Variants in DLGAP1 observed in about 807,000 individuals in gnomAD.
DLGAP1 encodes the protein DLG associated protein 1, also known as disks large-associated protein 1.
Under a neutral mutation model 90.8 loss-of-function variants are expected in DLGAP1, and 11 were observed. That is an observed-to-expected ratio of 0.12 (90% CI 0.08 to 0.20). The LOEUF (loss-of-function observed/expected upper bound fraction) is 0.20, where lower values mean the gene tolerates loss of function less well. Among genes scored for constraint, DLGAP1 ranks in the 10% least tolerant of loss-of-function variants. The pLI is 1.00. For synonymous variants in DLGAP1, 558 were observed against 540.7 expected (o/e 1.03, Z -0.44); for missense variants, 1,050 against 1,333.8 (o/e 0.79, Z 3.31).
intron 2 of DLGAP1, among the ~76,000 whole-genome samples, chr18:4,038,128 T>C (rs1351157046): frequency 6.6e-6 from 1 of 152,180 alleles, no homozygotes; most frequent in Non-Finnish European, 1.5e-5. Flanking sequence ...TAAAGAGTGA[T>C]TTCTTAATCC....
intron 8 of DLGAP1, among the ~76,000 whole-genome samples, chr18:3,568,996 T>TTTTAC (rs1156705379): frequency 6.8e-6 from 1 of 146,314 alleles, no homozygotes; most frequent in Non-Finnish European, 1.5e-5. Context: ...TAAATGATTA[T>TTTTAC]TTTATTTTAT....
chr18:4,188,375 C>T (rs1467259388), intron 1 of DLGAP1, among the ~76,000 whole-genome samples: 9 of 152,006 alleles, frequency 5.9e-5, no homozygotes, highest in African/African-American at 1.9e-4. Context: ...TATAGGTATA[C>T]GTTGTGCCAT....
Position 4,454,615 on chromosome 18 carries a change from G to A in DLGAP1, c.-267+391C>T, listed in dbSNP as rs573069897. The stretch of plus-strand genomic sequence containing the variant: ...CCTCCTCCCCTGCAAGGTGCATCGG[G>A]GGTGGGGTGGGGGTGCGAATTTGAC... On this transcript the variant is annotated intron_variant, in intron 1 of 12. Transcript: ENST00000315677. This position sits in a 1 kb window ranked among gnomAD's most constrained non-coding sequence, Gnocchi z 4.7. Among the ~76,000 whole-genome samples, 146 of 152,220 alleles carry A rather than the reference G, an allele frequency of 9.6e-4. No homozygotes were observed. Among genetic ancestry groups the A allele is most frequent in the African/African-American group, 3.2e-3 (135 of 41,560 alleles).
At chr18:4,152,175 T>A (rs755857526) in intron 1 of DLGAP1, among the ~76,000 whole-genome samples, 6 of 152,164 alleles carry the variant, frequency 3.9e-5, no homozygotes, top group Non-Finnish European at 5.9e-5. Flanking sequence ...AAAGTGTAAA[T>A]ACCTGTAAAG....
intron 7 of DLGAP1, among the ~76,000 whole-genome samples, chr18:3,698,379 G>A (rs189290712): frequency 6.6e-6 from 1 of 152,128 alleles, no homozygotes; most frequent in African/African-American, 2.4e-5. Context: ...AGGCAGGCCT[G>A]GTGGTGACAA....
chr18:4,057,387 C>G (rs752424717), intron 2 of DLGAP1, among the ~76,000 whole-genome samples: 2 of 152,198 alleles, frequency 1.3e-5, no homozygotes, highest in Non-Finnish European at 2.9e-5. Flanking sequence ...CTCAAGTGAG[C>G]ATGTGTACAA....
chr18:4,109,549 T>G (rs1598415946), intron 2 of DLGAP1, among the ~76,000 whole-genome samples: 1 of 152,092 alleles, frequency 6.6e-6, no homozygotes, highest in Non-Finnish European at 1.5e-5. Flanking sequence ...ACCTGTATTT[T>G]TTTTCAGCTC....
At chr18:4,110,149 G>C (rs2075947709) in intron 2 of DLGAP1, among the ~76,000 whole-genome samples, 1 of 152,232 alleles carries the variant, frequency 6.6e-6, no homozygotes, top group African/African-American at 2.4e-5. Flanking sequence ...GGATGACCTA[G>C]CCTACTAAAC....
intron 3 of DLGAP1, among the ~76,000 whole-genome samples, chr18:3,899,606 G>C (rs1317017106): frequency 6.6e-6 from 1 of 152,166 alleles, no homozygotes; most frequent in Non-Finnish European, 1.5e-5. Flanking sequence ...ATCCAGGTTT[G>C]GTCCAATTTC....
chr18:4,427,454 C>G (rs2083181731), intron 1 of DLGAP1, among the ~76,000 whole-genome samples: 1 of 152,224 alleles, frequency 6.6e-6, no homozygotes, highest in Admixed American at 6.5e-5. Flanking sequence ...TCTCAGTTCT[C>G]TACCGGGCCT....
At chr18:3,520,764 C>A (rs887654241) in intron 10 of DLGAP1, among the ~76,000 whole-genome samples, 10 of 152,208 alleles carry the variant, frequency 6.6e-5, no homozygotes, top group Non-Finnish European at 1.2e-4. Flanking sequence ...GCAGCCTTAG[C>A]AAATTATTAC....
At chr18:4,276,388 C>A (rs2079415002) in intron 1 of DLGAP1, among the ~76,000 whole-genome samples, 1 of 152,026 alleles carries the variant, frequency 6.6e-6, no homozygotes, top group African/African-American at 2.4e-5. Flanking sequence ...GTAACCCCAG[C>A]ACTTTGGGAG....
chr18:3,925,760 G>A (rs2072368692), intron 3 of DLGAP1, among the ~76,000 whole-genome samples: 1 of 152,040 alleles, frequency 6.6e-6, no homozygotes, highest in Admixed American at 6.6e-5. Flanking sequence ...CTACATTCAG[G>A]AAAGAACTCA....
rs2059657822 is a variant in DLGAP1 at position 3,660,863 on chromosome 18, C to T, written c.1591+68272G>A. Among the ~76,000 whole-genome samples the T allele has an allele frequency of 6.6e-6, 1 of 152,172 alleles. No homozygotes were observed. The highest frequency in any genetic ancestry group is 2.1e-4 in the South Asian group (1 of 4,824). ...CTTTATATTCAAATACCTCAATAAT[C>T]TGCAGTTCTCTTGTCTCAACTGTCA... On this transcript the variant is annotated intron_variant, in intron 7 of 12. Coordinates refer to ENST00000315677, the MANE Select transcript of DLGAP1 (RefSeq NM_004746.4). The surrounding 1 kb of genome is among the most constrained non-coding windows in gnomAD (Gnocchi z 4.2).
At chr18:4,394,023 T>C (rs2082391155) in intron 1 of DLGAP1, among the ~76,000 whole-genome samples, 1 of 152,208 alleles carries the variant, frequency 6.6e-6, no homozygotes, top group Non-Finnish European at 1.5e-5. Flanking sequence ...GTACTGTCCA[T>C]GGCAGAGGGG....
At chr18:3,626,505 G>T (rs1312077209) in intron 7 of DLGAP1, among the ~76,000 whole-genome samples, 3 of 150,430 alleles carry the variant, frequency 2.0e-5, no homozygotes, top group Non-Finnish European at 2.9e-5. Flanking sequence ...GAGGTGGGAG[G>T]ATCACTTGAA....
chr18:3,719,563 A>G (rs1006031107), intron 7 of DLGAP1, among the ~76,000 whole-genome samples: 2 of 150,706 alleles, frequency 1.3e-5, no homozygotes, highest in Non-Finnish European at 3.0e-5. Flanking sequence ...TCTCAAAAAA[A>G]AAAAAAAAAA....
intron 7 of DLGAP1, among the ~76,000 whole-genome samples, chr18:3,649,016 C>T (rs541851225): frequency 6.6e-6 from 1 of 152,308 alleles, no homozygotes; most frequent in South Asian, 2.1e-4. Context: ...CTATACAGTT[C>T]AAAGATTTAT....
At chr18:4,237,847 G>A (rs1232434377) in intron 1 of DLGAP1, among the ~76,000 whole-genome samples, 1 of 152,056 alleles carries the variant, frequency 6.6e-6, no homozygotes, top group African/African-American at 2.4e-5. Flanking sequence ...CATGACTACT[G>A]CCAAATGAGT....
Sources: gnomAD v4.1 joint callset for allele counts (sites outside exome capture counted in the v4.1 genomes callset) on GRCh38, gnomAD v4.1.1 for gene constraint, Gnocchi (gnomAD v3.1) non-coding constraint, MANE v1.5 for transcripts, NCBI Gene and HGNC (gene_info 2026-07-23, HGNC 2026-07-21) for gene names.